DCHS2: variants seen among roughly 807,000 people sequenced by gnomAD.
DCHS2 encodes the protein dachsous cadherin-related 2, also known as protocadherin-23.
Under a neutral mutation model 182.4 loss-of-function variants are expected in DCHS2, and 142 were observed. The observed-to-expected ratio is 0.78, with a 90% CI of 0.68 to 0.89. The LOEUF is 0.89. Among genes scored for constraint, DCHS2 ranks in the 40% least tolerant of loss-of-function variants. The pLI is 0.00. For missense variants in DCHS2, 4,319 were observed against 4,198.6 expected (o/e 1.03, Z -0.79); for synonymous variants, 1,740 against 1,663.3 (o/e 1.05, Z -1.12).
chr4:154,290,265 A>C (rs1436109300), intron 13 of DCHS2, among the ~76,000 whole-genome samples: 1 of 152,072 alleles, frequency 6.6e-6, no homozygotes. Flanking sequence ...AATGAAAAGT[A>C]TAAAAGATTG....
chr4:154,369,485 C>T (rs2110781470), intron 2 of DCHS2, among the ~76,000 whole-genome samples: 1 of 152,288 alleles, frequency 6.6e-6, no homozygotes, highest in Middle Eastern at 3.4e-3. Context: ...GTGCACTTCC[C>T]AATGCTGTGT....
At chr4:154,242,993 C>A (rs564565176) in intron 16 of DCHS2, among the ~76,000 whole-genome samples, 1 of 152,254 alleles carries the variant, frequency 6.6e-6, no homozygotes, top group East Asian at 1.9e-4. Context: ...ATCCAGCAAG[C>A]TGCCAGGGAT....
intron 1 of DCHS2, among the ~76,000 whole-genome samples, chr4:154,422,599 C>CAT (rs1309096824): frequency 6.6e-6 from 1 of 152,176 alleles, no homozygotes; most frequent in Non-Finnish European, 1.5e-5. Context: ...ATCTAGAAAA[C>CAT]ATATATATAC....
rs142781136 is a variant in DCHS2 at position 154,236,237 on chromosome 4, G to C, written c.8415C>G (p.Thr2805=). ...DFDAGPYGEL[T]YSIVSPCFLT... ...GAAAACAGGGTGATACAATAGAATA[G>C]GTCAATTCTCCATACGGACCAGCAT... Residue 2805 remains threonine (T), a synonymous_variant, in exon 20 of 20, where the codon ACC becomes ACG. Transcript: ENST00000357232. The C allele has an allele frequency of 1.9e-6, 3 of 1,613,906 alleles. No homozygotes were observed. The highest frequency in any genetic ancestry group is 1.3e-5 in the African/African-American group (1 of 75,002).
At chr4:154,260,842 C>A (rs917455367) in intron 14 of DCHS2, among the ~76,000 whole-genome samples, 12 of 152,136 alleles carry the variant, frequency 7.9e-5, no homozygotes, top group Non-Finnish European at 1.6e-4. Flanking sequence ...CCAGAAGGCA[C>A]ACAGTAATAC....
chr4:154,408,812 C>T (rs7677401), intron 1 of DCHS2, among the ~76,000 whole-genome samples: 2,263 of 151,864 alleles, frequency 0.015, 52 homozygotes, highest in African/African-American at 0.052. Flanking sequence ...CTTTTTTTTG[C>T]GGAGAAAAAG....
intron 3 of DCHS2, among the ~76,000 whole-genome samples, chr4:154,364,602 CCAGTATAAACAACTAAT>C (rs1730265616): frequency 6.6e-6 from 1 of 152,204 alleles, no homozygotes; most frequent in Non-Finnish European, 1.5e-5. Flanking sequence ...ACAAAGACTG[CCAGTATAAACAACTAAT>C]CCCTGGCCAG....
intron 10 of DCHS2, among the ~76,000 whole-genome samples, chr4:154,309,556 T>C (rs534416529): frequency 9.2e-5 from 14 of 152,182 alleles, no homozygotes; most frequent in Non-Finnish European, 2.1e-4. Context: ...GTTACTTCAG[T>C]ATTCCCTTCT....
chr4:154,240,404 G>A (rs111892950), intron 18 of DCHS2, 133 bp downstream of exon 18: 595 of 1,061,340 alleles, frequency 5.6e-4, no homozygotes, highest in Middle Eastern at 1.1e-3. Context: ...TGTAAAACCC[G>A]CAGCGTTAAC....
chr4:154,255,558 G>A lies in DCHS2; in HGVS notation c.6902C>T (p.Thr2301Ile). ...GAGCTCGTAATCTAGAATCGCTTTT[G>A]TTGTTATCACACCACTCAGTGCATC... ...QIDALSGVIT[T>I]KAILDYELTS... The change falls in exon 16 of 20, where the codon ACA becomes ATA. Residue 2301 changes from threonine (T) to isoleucine (I), a missense_variant. Coordinates refer to ENST00000357232, the MANE Select transcript of DCHS2 (RefSeq NM_001358235.2). 1.2e-6 allele frequency: 2 copies of A among 1,613,662 alleles called. No homozygotes were observed. Among genetic ancestry groups the A allele is most frequent in the South Asian group, 2.2e-5 (2 of 90,958 alleles).
intron 12 of DCHS2, among the ~76,000 whole-genome samples, chr4:154,299,340 T>TA (rs993295485): frequency 8.6e-5 from 13 of 152,040 alleles, no homozygotes; most frequent in Admixed American, 7.2e-4. Context: ...ATCTATTCCT[T>TA]AAAAAAAATC....
At chr4:154,265,732 G>T (rs1733218707) in intron 14 of DCHS2, among the ~76,000 whole-genome samples, 1 of 151,802 alleles carries the variant, frequency 6.6e-6, no homozygotes. Context: ...TAGATATTCT[G>T]CAATGTACAC....
intron 16 of DCHS2, among the ~76,000 whole-genome samples, chr4:154,243,220 A>G (rs968624866): frequency 1.3e-5 from 2 of 152,208 alleles, no homozygotes; most frequent in Non-Finnish European, 2.9e-5. Context: ...ATTGCTTTGT[A>G]CTGATATTTT....
chr4:154,312,028 T>C (rs1341123695), intron 10 of DCHS2, among the ~76,000 whole-genome samples: 1 of 151,942 alleles, frequency 6.6e-6, no homozygotes, highest in Admixed American at 6.6e-5. Context: ...TAGAGAAAAT[T>C]TATATAGAGA....
chr4:154,454,841 A>G lies in DCHS2; in HGVS notation c.2052+34463T>C, dbSNP rs144503930. Among the ~76,000 whole-genome samples the G allele has an allele frequency of 4.3e-4, 65 of 152,330 alleles. 2 individuals carry two copies. In the East Asian group the frequency reaches 0.011, roughly 25 times the overall value. The stretch of plus-strand genomic sequence containing the variant: ...AGCTGCAGTGAAAACTGTCCCACAG[A>G]GCTAACCCTGTGACCTGGATCTGAG... On this transcript the variant is annotated intron_variant, in intron 1 of 19. Coordinates refer to ENST00000357232, the MANE Select transcript of DCHS2 (RefSeq NM_001358235.2).
At chr4:154,420,251 A>G (rs1413039970) in intron 1 of DCHS2, among the ~76,000 whole-genome samples, 1 of 105,660 alleles carries the variant, frequency 9.5e-6, no homozygotes, top group East Asian at 2.6e-4. Context: ...ACAGACAGAT[A>G]GATAGATAGA....
intron 16 of DCHS2, among the ~76,000 whole-genome samples, chr4:154,245,447 A>G (rs1428107394): frequency 6.6e-6 from 1 of 152,294 alleles, no homozygotes; most frequent in South Asian, 2.1e-4. Context: ...ACCAGGAAGG[A>G]TCTCTTTGAT....
chr4:154,234,587 G>A lies in DCHS2; in HGVS notation c.10065C>T (p.His3355=), dbSNP rs138708352. The stretch of plus-strand genomic sequence containing the variant: ...TAAGTTCATGGCATGTACCACTGAT[G>A]TGTGTTCCTAATAATTCTCCTTCTC... ...LLREGELLGT[H]ISGTCHELKA... is the part of the protein sequence containing the mutation. Residue 3355 remains histidine, a synonymous_variant, in exon 20 of 20, where the codon CAC becomes CAT. Transcript: ENST00000357232. 4.3e-6 allele frequency: 7 copies of A among 1,613,950 alleles called. No individual in the cohort carries two copies. Among genetic ancestry groups the A allele is most frequent in the African/African-American group, 2.7e-5 (2 of 75,056 alleles).
chr4:154,489,922 G>T lies in DCHS2; in HGVS notation c.1434C>A (p.Phe478Leu). 1 of 1,538,900 alleles carries T rather than the reference G, an allele frequency of 6.5e-7. No individual in the cohort carries two copies. Among genetic ancestry groups the T allele is most frequent in the Non-Finnish European group, 8.8e-7 (1 of 1,138,998 alleles). ...SLSLEGGEGD[F>L]ALLPGGPPGV... ...CTGGGGGGCCGCCGGGTAGCAACGC[G>T]AAGTCTCCCTCTCCGCCTTCCAAGG... The change falls in exon 1 of 20, where the codon TTC becomes TTA. Residue 478 changes from phenylalanine (F) to leucine (L), a missense_variant. Phe to Leu is a conservative substitution (Grantham distance 22). Coordinates refer to ENST00000357232, the MANE Select transcript of DCHS2 (RefSeq NM_001358235.2).
Sources: gnomAD v4.1 joint callset for allele counts (sites outside exome capture counted in the v4.1 genomes callset) on GRCh38, gnomAD v4.1.1 for gene constraint, MANE v1.5 for transcripts, NCBI Gene and HGNC (gene_info 2026-07-23, HGNC 2026-07-21) for gene names.